EIF5B: variants seen among roughly 807,000 people sequenced by gnomAD.
EIF5B encodes eIF-5B.
A neutral mutation model predicts 147.5 loss-of-function variants in EIF5B; 47 were observed. The ratio of observed to expected loss-of-function variants is 0.32; its 90% CI spans 0.25 to 0.41. The LOEUF (loss-of-function observed/expected upper bound fraction) is 0.41. Among genes scored for constraint, EIF5B ranks in the 10% least tolerant of loss-of-function variants. The pLI is 1.00. For missense variants in EIF5B, 1,064 were observed against 1,413.2 expected (o/e 0.75, Z 3.96); for synonymous variants, 455 against 456.2 (o/e 1.00, Z 0.03).
chr2:99,376,787 C>G (rs530226700), intron 10 of EIF5B, 151 bp downstream of exon 10: 1 of 1,319,462 alleles, frequency 7.6e-7, no homozygotes, highest in East Asian at 2.7e-5. Flanking sequence ...TATTACTGGC[C>G]TTTGATACTG....
intron 4 of EIF5B, 109 bp from the exon 5 acceptor site, chr2:99,363,536 C>A: frequency 9.3e-7 from 1 of 1,079,104 alleles, no homozygotes; most frequent in Non-Finnish European, 1.4e-6. Context: ...CTGCTGCTGG[C>A]ATCGGCCTTG....
At chr2:99,397,562 A>G (rs896223963) in intron 22 of EIF5B, 1 of 152,208 alleles carries the variant, frequency 6.6e-6, no homozygotes, top group African/African-American at 2.4e-5. Flanking sequence ...CTCCCTCCCA[A>G]CTAGACACAG....
chr2:99,377,701 C>T lies in EIF5B; in HGVS notation c.1842+1065C>T, dbSNP rs1454527069. Reference sequence around the variant, plus strand: ...ATTAGTTAATGGTAGTGTGTATGAGCTTCATGTTTTTAAAAATAAAGGCCC... The same window carrying T: ...ATTAGTTAATGGTAGTGTGTATGAGTTTCATGTTTTTAAAAATAAAGGCCC... On this transcript the variant is annotated intron_variant, in intron 10 of 23. Coordinates refer to ENST00000289371, the MANE Select transcript of EIF5B (RefSeq NM_015904.4). Among the ~76,000 whole-genome samples the T allele has an allele frequency of 2.6e-5, 4 of 152,068 alleles. No homozygotes were observed. In the South Asian group the frequency reaches 6.2e-4, roughly 24 times the overall value.
intron 12 of EIF5B, among the ~76,000 whole-genome samples, chr2:99,381,365 A>G (rs1311259354): frequency 2.0e-5 from 3 of 152,170 alleles, no homozygotes; most frequent in South Asian, 2.1e-4. Context: ...ATAAGACACT[A>G]AAGTGGAAAT....
At chr2:99,363,972 T>G in intron 5 of EIF5B, 110 bp downstream of exon 5, 1 of 1,155,454 alleles carries the variant, frequency 8.7e-7, no homozygotes, top group Admixed American at 2.5e-5. Flanking sequence ...TGCATGGTAA[T>G]TCAGTTATAT....
intron 17 of EIF5B, among the ~76,000 whole-genome samples, chr2:99,392,585 A>T (rs1674960695): frequency 6.6e-6 from 1 of 152,148 alleles, no homozygotes; most frequent in Non-Finnish European, 1.5e-5. Flanking sequence ...TTGCCGTTTC[A>T]GTGTGCATTT....
At chr2:99,347,759 A>G (rs939097277) in intron 1 of EIF5B, among the ~76,000 whole-genome samples, 1 of 152,094 alleles carries the variant, frequency 6.6e-6, no homozygotes, top group African/African-American at 2.4e-5. Flanking sequence ...TCTCTTGACA[A>G]AAAGGTTTAA....
chr2:99,372,898 GT>G (rs1333699777), intron 9 of EIF5B, among the ~76,000 whole-genome samples: 4 of 151,684 alleles, frequency 2.6e-5, no homozygotes, highest in African/African-American at 9.7e-5. Flanking sequence ...GGGTTTTTTT[GT>G]TTTTGCTTTT....
intron 1 of EIF5B, among the ~76,000 whole-genome samples, chr2:99,344,597 C>G (rs183023092): frequency 6.6e-6 from 1 of 152,040 alleles, no homozygotes; most frequent in Non-Finnish European, 1.5e-5. Flanking sequence ...CCACCAGGCC[C>G]GGCTAATATT....
At chr2:99,368,105 C>CT (rs1674367632) in intron 6 of EIF5B, among the ~76,000 whole-genome samples, 2 of 152,246 alleles carry the variant, frequency 1.3e-5, no homozygotes, top group South Asian at 4.1e-4. Flanking sequence ...ATGATAGAGG[C>CT]CAGACCGTAA....
At chr2:99,356,836 CTTTGT>C (rs1674106648) in intron 1 of EIF5B, among the ~76,000 whole-genome samples, 1 of 152,092 alleles carries the variant, frequency 6.6e-6, no homozygotes. Context: ...ACCACTATCT[CTTTGT>C]TTTAATTTGC....
chr2:99,346,012 G>A (rs78613691), intron 1 of EIF5B, among the ~76,000 whole-genome samples: 58 of 152,076 alleles, frequency 3.8e-4, no homozygotes, highest in African/African-American at 1.1e-3. Flanking sequence ...AGGGAGTTAC[G>A]TTTTAACATA....
chr2:99,359,240 G>T (rs923365069), intron 1 of EIF5B, among the ~76,000 whole-genome samples: 1 of 151,824 alleles, frequency 6.6e-6, no homozygotes, highest in Non-Finnish European at 1.5e-5. Context: ...ATGGTGGCGG[G>T]CTCCTGTAGT....
intron 1 of EIF5B, among the ~76,000 whole-genome samples, chr2:99,344,625 CAG>C (rs1428056637): frequency 6.6e-6 from 1 of 152,054 alleles, no homozygotes; most frequent in African/African-American, 2.4e-5. Context: ...CTAGTAGAGA[CAG>C]GGTCTCACCA....
intron 1 of EIF5B, among the ~76,000 whole-genome samples, chr2:99,339,311 C>T (rs1461079765): frequency 6.6e-6 from 1 of 151,842 alleles, no homozygotes; most frequent in Admixed American, 6.6e-5. Context: ...TCGCCCCTGG[C>T]CCCCACCTAC....
rs200069613 is a variant in EIF5B, at chr2:99,397,133, T to C, written c.3393+235T>C. 4.7e-5 allele frequency: 17 copies of C among 363,446 alleles called. No homozygotes were observed. The East Asian group carries it at 6.7e-4, about 14-fold the overall frequency. The allele number at this position is 363,446 out of a possible 1,614,324, so 22.5% of individuals were successfully genotyped here. A position where few individuals can be genotyped will look rare whatever the true frequency, so the allele number is the denominator to read the frequency against. The stretch of plus-strand genomic sequence containing the variant: ...TGTTGTGCTTCAGTATTGGTAAATA[T>C]CAGTGCTCCATAGTCAGTGTTGACT... On this transcript the variant is annotated intron_variant, in intron 22 of 23. Coordinates refer to ENST00000289371, the MANE Select transcript of EIF5B (RefSeq NM_015904.4).
intron 21 of EIF5B, among the ~76,000 whole-genome samples, chr2:99,395,603 G>A (rs1176353856): frequency 6.6e-6 from 1 of 152,210 alleles, no homozygotes; most frequent in Admixed American, 6.5e-5. Context: ...CCAAAGTGCT[G>A]GGATTATAGG....
At chr2:99,399,115 CT>C in intron 23 of EIF5B, 191 bp from the exon 24 acceptor site, 1 of 779,176 alleles carries the variant, frequency 1.3e-6, no homozygotes, top group Non-Finnish European at 2.0e-6. Context: ...AAAGCTAGGA[CT>C]TTTAGGTCCC....
Position 99,399,495 on chromosome 2 carries a change from CAG to C in EIF5B, c.*83_*84del. On this transcript the variant is annotated 3_prime_UTR_variant, in exon 24 of 24. Transcript: ENST00000289371. ...AACAAAAATCAGACAAAAAATGGAA[CAG>C]ACGTATTTGGACACTGATGGACTTA... 7.5e-7 allele frequency: 1 copy of C among 1,340,006 alleles called. No individual in the cohort carries two copies. 83.0% of individuals were successfully genotyped at this position (1,340,006 alleles called of 1,614,324 possible). A position where few individuals can be genotyped will look rare whatever the true frequency, so the allele number is the denominator to read the frequency against.
Sources: allele counts gnomAD v4.1 joint callset (sites outside exome capture counted in the v4.1 genomes callset), GRCh38; gene constraint gnomAD v4.1.1; transcripts MANE v1.5; gene names NCBI Gene and HGNC (gene_info 2026-07-23, HGNC 2026-07-21).